The following CD2AP variants were observed in gnomAD, a reference collection of about 807,000 sequenced individuals.
CD2AP encodes the protein CD2 associated protein, also known as CD2-associated protein.
CD2AP carries 46 observed loss-of-function variants against 85.1 expected under a neutral mutation model. The ratio of observed to expected loss-of-function variants is 0.54; its 90% CI spans 0.43 to 0.69. The LOEUF (loss-of-function observed/expected upper bound fraction) is 0.69. Among genes scored for constraint, CD2AP ranks in the 30% least tolerant of loss-of-function variants. CD2AP has a pLI of 0.00. For synonymous variants in CD2AP, 255 were observed against 252.9 expected (o/e 1.01, Z -0.08); for missense variants, 769 against 729.5 (o/e 1.05, Z -0.62).
chr6:47,603,940 C>A (rs1769206535), intron 13 of CD2AP, among the ~76,000 whole-genome samples: 1 of 151,924 alleles, frequency 6.6e-6, no homozygotes, highest in African/African-American at 2.4e-5. Flanking sequence ...GTCTGTCTGT[C>A]TATTTATTCT....
At chr6:47,531,654 T>C (rs977829682) in intron 2 of CD2AP, among the ~76,000 whole-genome samples, 3 of 151,904 alleles carry the variant, frequency 2.0e-5, no homozygotes, top group African/African-American at 7.2e-5. Context: ...ACTCTTCTTT[T>C]CCTGTTCCAC....
At chr6:47,484,409 T>C (rs1334987716) in intron 1 of CD2AP, among the ~76,000 whole-genome samples, 2 of 151,888 alleles carry the variant, frequency 1.3e-5, no homozygotes, top group African/African-American at 4.8e-5. Flanking sequence ...GCTTCCTAGA[T>C]GTTCTACACT....
At chr6:47,508,231 T>G (rs1766226109) in intron 2 of CD2AP, among the ~76,000 whole-genome samples, 1 of 152,262 alleles carries the variant, frequency 6.6e-6, no homozygotes, top group Non-Finnish European at 1.5e-5. Context: ...TTCATCTCCA[T>G]TGAAAATCTG....
chr6:47,500,864 C>T (rs746335100), intron 1 of CD2AP, among the ~76,000 whole-genome samples: 5 of 151,978 alleles, frequency 3.3e-5, no homozygotes, highest in Non-Finnish European at 5.9e-5. Context: ...TCTCCTGCCT[C>T]AGCCTCCTGA....
chr6:47,596,628 G>A lies in CD2AP; in HGVS notation c.1274+602G>A, dbSNP rs138828978. On this transcript the variant is annotated intron_variant, in intron 12 of 17. Transcript: ENST00000359314. ...TTTATGGCTGAATGGTATTCTTTGT[G>A]TATATATGCCACATTTTCTTTATTC... Among the ~76,000 whole-genome samples, 110 of 152,064 alleles carry A rather than the reference G, an allele frequency of 7.2e-4. No individual in the cohort carries two copies. The East Asian group carries it at 0.02, about 27-fold the overall frequency.
intron 14 of CD2AP, 149 bp downstream of exon 14, chr6:47,606,426 G>T: frequency 1.5e-6 from 1 of 662,038 alleles, no homozygotes; most frequent in South Asian, 1.7e-5. Context: ...TAAGGAGATA[G>T]AGGGAGAGAG....
intron 1 of CD2AP, among the ~76,000 whole-genome samples, chr6:47,500,811 A>G (rs1038545374): frequency 3.3e-5 from 5 of 151,456 alleles, no homozygotes; most frequent in African/African-American, 1.2e-4. Context: ...CAGTGGCACA[A>G]TCTTGGCTCA....
chr6:47,500,466 T>C (rs1397657098), intron 1 of CD2AP, among the ~76,000 whole-genome samples: 1 of 152,190 alleles, frequency 6.6e-6, no homozygotes, highest in Non-Finnish European at 1.5e-5. Flanking sequence ...CCGGGTCCCT[T>C]ATCATGTTGG....
rs562900542 is a variant in CD2AP at position 47,587,565 on chromosome 6, A to G, written c.1108+5500A>G. On this transcript the variant is annotated intron_variant, in intron 11 of 17. Coordinates refer to ENST00000359314, the MANE Select transcript of CD2AP (RefSeq NM_012120.3). ...GCAAGCTGTGTCCCAGAATGGTAAT[A>G]ATATTACCACTTTGAAGCACAAGTT... Among the ~76,000 whole-genome samples the G allele has an allele frequency of 1.2e-3, 185 of 152,258 alleles. 2 individuals are homozygous for G. The East Asian group carries it at 0.032, about 26-fold the overall frequency.
intron 13 of CD2AP, among the ~76,000 whole-genome samples, chr6:47,599,782 T>G (rs371586026): frequency 2.7e-4 from 41 of 152,142 alleles, no homozygotes; most frequent in African/African-American, 9.9e-4. Context: ...AGTTTAAAAA[T>G]GAGATGACAT....
intron 1 of CD2AP, among the ~76,000 whole-genome samples, chr6:47,490,796 G>A (rs1765712837): frequency 6.6e-6 from 1 of 152,068 alleles, no homozygotes; most frequent in Non-Finnish European, 1.5e-5. Context: ...TATGTGCTAA[G>A]AGTGTATTGT....
At chr6:47,586,585 A>G (rs1183585681) in intron 11 of CD2AP, among the ~76,000 whole-genome samples, 2 of 152,196 alleles carry the variant, frequency 1.3e-5, no homozygotes, top group Admixed American at 1.3e-4. Flanking sequence ...CTACCTAACA[A>G]AAATACCTTT....
At chr6:47,478,527 T>C (rs1488336241) in intron 1 of CD2AP, among the ~76,000 whole-genome samples, 1 of 152,150 alleles carries the variant, frequency 6.6e-6, no homozygotes, top group Non-Finnish European at 1.5e-5. Flanking sequence ...CGGGGGCGCC[T>C]GGCCACCTCT....
At chr6:47,599,492 A>G (rs1255841419) in intron 13 of CD2AP, 49 bp downstream of exon 13, 7 of 1,530,264 alleles carry the variant, frequency 4.6e-6, no homozygotes, top group Admixed American at 1.7e-5. Context: ...AAAATTGTCA[A>G]AGAAACTCTT....
chr6:47,564,836 A>G (rs192266748), intron 5 of CD2AP, among the ~76,000 whole-genome samples: 11 of 143,396 alleles, frequency 7.7e-5, no homozygotes, highest in Non-Finnish European at 1.5e-4. Context: ...TAGAAAAATT[A>G]TAGTAGAATG....
chr6:47,624,772 G>C lies in CD2AP; in HGVS notation c.*545G>C, dbSNP rs1769867584. The C allele has an allele frequency of 6.7e-6, 1 of 148,616 alleles. No individual in the cohort carries two copies. Among genetic ancestry groups the C allele is most frequent in the Admixed American group, 6.8e-5 (1 of 14,688 alleles). The allele number at this position is 148,616 out of a possible 1,614,324, so 9.2% of individuals were successfully genotyped here. ...TTATCCTCTTACCGAAGGTTACACTGTTGTGCCTGTTTGTCTGCAATGCTG... is the reference window on the plus strand; with the variant it reads ...TTATCCTCTTACCGAAGGTTACACTCTTGTGCCTGTTTGTCTGCAATGCTG... On this transcript the variant is annotated 3_prime_UTR_variant, in exon 18 of 18. Transcript: ENST00000359314.
chr6:47,492,347 C>T (rs867512766), intron 1 of CD2AP, among the ~76,000 whole-genome samples: 61 of 95,498 alleles, frequency 6.4e-4, no homozygotes, highest in Middle Eastern at 6.6e-3. Flanking sequence ...CACCTGTAAT[C>T]TTTTTTTTTT....
At chr6:47,560,026 C>T (rs1767810488) in intron 5 of CD2AP, among the ~76,000 whole-genome samples, 2 of 152,136 alleles carry the variant, frequency 1.3e-5, no homozygotes, top group Admixed American at 1.3e-4. Context: ...TATACATTTC[C>T]ATACTATTAT....
At chr6:47,481,949 C>A (rs2113956285) in intron 1 of CD2AP, among the ~76,000 whole-genome samples, 1 of 152,142 alleles carries the variant, frequency 6.6e-6, no homozygotes, top group South Asian at 2.1e-4. Flanking sequence ...TTTGTAGATA[C>A]AGGCTCTCCC....
Sources: gnomAD v4.1 joint callset for allele counts (sites outside exome capture counted in the v4.1 genomes callset) on GRCh38, gnomAD v4.1.1 for gene constraint, MANE v1.5 for transcripts, NCBI Gene and HGNC (gene_info 2026-07-23, HGNC 2026-07-21) for gene names.